Variants in TLL2 observed in about 807,000 individuals in gnomAD.
TLL2 encodes the protein tolloid-like protein 2.
A neutral mutation model predicts 123.0 loss-of-function variants in TLL2; 106 were observed. The ratio of observed to expected loss-of-function variants is 0.86; its 90% CI spans 0.74 to 1.01. The LOEUF is 1.01. Ranked by LOEUF, TLL2 falls within the 50% of genes least tolerant of loss-of-function variation. TLL2 has a pLI of 0.00. For missense variants in TLL2, 1,332 were observed against 1,336.7 expected (o/e 1.00, Z 0.06); for synonymous variants, 494 against 516.8 (o/e 0.96, Z 0.60).
At chr10:96,416,810 C>G (rs1564902946) in intron 7 of TLL2, among the ~76,000 whole-genome samples, 1 of 152,208 alleles carries the variant, frequency 6.6e-6, no homozygotes, top group Non-Finnish European at 1.5e-5. Flanking sequence ...TTCCTTCCCT[C>G]TTTCATGTAG....
chr10:96,442,702 G>A (rs1256238132), intron 3 of TLL2, among the ~76,000 whole-genome samples: 1 of 152,216 alleles, frequency 6.6e-6, no homozygotes, highest in Non-Finnish European at 1.5e-5. Flanking sequence ...CAGTGTGGGT[G>A]CTGTGCACAA....
chr10:96,448,861 G>C (rs1397681206), intron 2 of TLL2, among the ~76,000 whole-genome samples: 1 of 152,150 alleles, frequency 6.6e-6, no homozygotes. Context: ...TGGAGAATCT[G>C]CTCATATGGG....
chr10:96,379,955 G>A (rs534696495), intron 16 of TLL2, among the ~76,000 whole-genome samples: 2 of 152,350 alleles, frequency 1.3e-5, no homozygotes, highest in African/African-American at 2.4e-5. Context: ...CCCTCTGCAC[G>A]TGGAGCAGCT....
intron 8 of TLL2, among the ~76,000 whole-genome samples, chr10:96,412,903 G>A (rs941296786): frequency 2.0e-5 from 3 of 152,172 alleles, no homozygotes; most frequent in African/African-American, 7.2e-5. Flanking sequence ...ATTTACTGTT[G>A]TTCTGTTATG....
intron 2 of TLL2, among the ~76,000 whole-genome samples, chr10:96,468,496 A>G (rs1847150229): frequency 6.6e-6 from 1 of 152,090 alleles, no homozygotes; most frequent in South Asian, 2.1e-4. Context: ...GGCCAGTTCT[A>G]CTCTGCCTCT....
rs143423269 is a variant in TLL2, at chr10:96,416,600, C to T, written c.924-3284G>A. 4.0e-3 allele frequency among the ~76,000 whole-genome samples: 603 copies of T among 152,320 alleles called. 12 individuals carry two copies. Among genetic ancestry groups the T allele is most frequent in the African/African-American group, 0.014 (577 of 41,564 alleles). ...CCAGTGTTTCCTGCTGCCCAAGGAACAGTAGGCCTTATGATACATTAAATT... is the reference window on the plus strand; with the variant it reads ...CCAGTGTTTCCTGCTGCCCAAGGAATAGTAGGCCTTATGATACATTAAATT... On this transcript the variant is annotated intron_variant, in intron 7 of 20. Transcript: ENST00000357947.
chr10:96,415,785 T>A (rs1362605697), intron 7 of TLL2, among the ~76,000 whole-genome samples: 1 of 5,070 alleles, frequency 2.0e-4, no homozygotes, highest in African/African-American at 8.1e-4. Context: ...CAAGCACTGT[T>A]TCTATTTCCC....
At chr10:96,481,220 T>C (rs1847309302) in intron 1 of TLL2, among the ~76,000 whole-genome samples, 1 of 152,014 alleles carries the variant, frequency 6.6e-6, no homozygotes, top group South Asian at 2.1e-4. Context: ...GATCATAGCT[T>C]ACTGCAACCT....
chr10:96,420,280 CA>C (rs1846606214), intron 7 of TLL2, among the ~76,000 whole-genome samples: 2 of 152,246 alleles, frequency 1.3e-5, no homozygotes, highest in African/African-American at 4.8e-5. Flanking sequence ...AAAGCACTTA[CA>C]GGGTCTAGAA....
intron 1 of TLL2, among the ~76,000 whole-genome samples, chr10:96,489,873 G>T (rs538197789): frequency 8.3e-4 from 126 of 152,230 alleles, no homozygotes; most frequent in African/African-American, 2.9e-3. Context: ...AAGGCAGGTG[G>T]ATTACGTGAG....
chr10:96,486,293 A>G (rs1235000839), intron 1 of TLL2, among the ~76,000 whole-genome samples: 3 of 152,226 alleles, frequency 2.0e-5, no homozygotes, highest in Admixed American at 2.0e-4. Flanking sequence ...AGAAAACAAG[A>G]AAAATGTTCA....
intron 2 of TLL2, among the ~76,000 whole-genome samples, chr10:96,457,184 G>A (rs1486665701): frequency 6.6e-6 from 1 of 152,158 alleles, no homozygotes; most frequent in African/African-American, 2.4e-5. Context: ...CCCTTGGAAG[G>A]CCTCAACCTC....
At chr10:96,414,300 A>G (rs1037295771) in intron 7 of TLL2, among the ~76,000 whole-genome samples, 3 of 151,924 alleles carry the variant, frequency 2.0e-5, no homozygotes, top group African/African-American at 7.3e-5. Context: ...TCTATAAAGT[A>G]TTGTCTCCAT....
rs567564593 is a variant in TLL2, at chr10:96,479,271, C to A, written c.286+1078G>T. On this transcript the variant is annotated intron_variant, in intron 2 of 20. Coordinates refer to ENST00000357947, the MANE Select transcript of TLL2 (RefSeq NM_012465.4). ...GCCCCACCTTCCTCCCAGCCACTGG[C>A]GATGAGGTCCCCGTGACCTCCTGGC... 1.2e-3 allele frequency among the ~76,000 whole-genome samples: 179 copies of A among 152,338 alleles called. 1 individual carries two copies. Among genetic ancestry groups the A allele is most frequent in the Non-Finnish European group, 1.9e-3 (130 of 68,032 alleles).
intron 7 of TLL2, among the ~76,000 whole-genome samples, chr10:96,415,171 C>T (rs1846541722): frequency 6.6e-6 from 1 of 152,216 alleles, no homozygotes; most frequent in Admixed American, 6.5e-5. Flanking sequence ...TCCAGCCTGA[C>T]TCTTTAATCC....
intron 19 of TLL2, among the ~76,000 whole-genome samples, chr10:96,372,335 A>C (rs1470346535): frequency 6.6e-6 from 1 of 152,182 alleles, no homozygotes; most frequent in Non-Finnish European, 1.5e-5. Context: ...AAAGGATCAC[A>C]GGGTCCCATG....
intron 5 of TLL2, among the ~76,000 whole-genome samples, chr10:96,426,303 T>C (rs1846677239): frequency 6.6e-6 from 1 of 152,172 alleles, no homozygotes; most frequent in African/African-American, 2.4e-5. Context: ...GCATGGCTAT[T>C]CACATGTGAG....
At chr10:96,378,275 C>T (rs1312097368) in intron 17 of TLL2, among the ~76,000 whole-genome samples, 1 of 152,236 alleles carries the variant, frequency 6.6e-6, no homozygotes, top group African/African-American at 2.4e-5. Flanking sequence ...GGTTTCGTGG[C>T]TGGAGCCAAG....
At chr10:96,419,009 C>G (rs1037174934) in intron 7 of TLL2, among the ~76,000 whole-genome samples, 4 of 152,042 alleles carry the variant, frequency 2.6e-5, no homozygotes, top group Non-Finnish European at 4.4e-5. Context: ...CCTGTAACTC[C>G]TGGATGATGG....
Sources: allele counts gnomAD v4.1 joint callset (sites outside exome capture counted in the v4.1 genomes callset), GRCh38; gene constraint gnomAD v4.1.1; transcripts MANE v1.5; gene names NCBI Gene and HGNC (gene_info 2026-07-23, HGNC 2026-07-21).